Variants in PHF14 observed in about 807,000 individuals in gnomAD.
PHF14 encodes the protein PHD finger protein 14.
A neutral mutation model predicts 117.9 loss-of-function variants in PHF14; 55 were observed. The observed-to-expected ratio is 0.47, with a 90% CI of 0.38 to 0.58. The LOEUF (loss-of-function observed/expected upper bound fraction) is 0.58. Ranked by LOEUF, PHF14 falls within the 20% of genes least tolerant of loss-of-function variation. The pLI is 0.00. For synonymous variants in PHF14, 409 were observed against 368.6 expected (o/e 1.11, Z -1.26); for missense variants, 978 against 1,122.2 (o/e 0.87, Z 1.84).
In PHF14 at chr7:11,022,871, G is replaced by C; in HGVS notation, c.1209G>C (p.Trp403Cys). Residue 403 changes from tryptophan to cysteine, a missense_variant, in exon 6 of 18, where the codon TGG becomes TGC. Trp to Cys is a radical substitution (Grantham distance 215). Transcript: ENST00000634607. ...AAATCATATCTTCTCTTCTTAGATG[G>C]GTTCATATTGTTTGTGCCCTGTATG... ...GIFKETDAGRWVHIVCALYVP... is the reference protein window; with the variant it reads ...GIFKETDAGRCVHIVCALYVP... 1 of 1,567,006 alleles carries C rather than the reference G, an allele frequency of 6.4e-7. No homozygotes were observed. The highest frequency in any genetic ancestry group is 8.7e-7 in the Non-Finnish European group (1 of 1,144,582).
chr7:11,129,778 A>G (rs576229473), intron 17 of PHF14, among the ~76,000 whole-genome samples: 5 of 152,064 alleles, frequency 3.3e-5, no homozygotes, highest in Admixed American at 1.3e-4. Flanking sequence ...CTTAGATGCT[A>G]GTAGGATAGA....
At chr7:11,118,664 C>G (rs1257295930) in intron 17 of PHF14, among the ~76,000 whole-genome samples, 2 of 151,530 alleles carry the variant, frequency 1.3e-5, no homozygotes, top group African/African-American at 4.8e-5. Flanking sequence ...AAACCTATTT[C>G]TAGACAATGT....
At chr7:11,055,032 T>C (rs983914327) in intron 14 of PHF14, among the ~76,000 whole-genome samples, 3 of 152,084 alleles carry the variant, frequency 2.0e-5, no homozygotes, top group Non-Finnish European at 4.4e-5. Context: ...CTGCCCTGTT[T>C]ACCACAGAAG....
At chr7:11,141,380 A>G (rs1264316724) in intron 17 of PHF14, among the ~76,000 whole-genome samples, 1 of 152,034 alleles carries the variant, frequency 6.6e-6, no homozygotes, top group Non-Finnish European at 1.5e-5. Context: ...TTCTGTCTCC[A>G]AGTCTAATGG....
At chr7:11,081,330 A>G (rs1223794398) in intron 16 of PHF14, among the ~76,000 whole-genome samples, 1 of 152,194 alleles carries the variant, frequency 6.6e-6, no homozygotes, top group African/African-American at 2.4e-5. Context: ...CTCTTTCCAG[A>G]GGAATATTCT....
chr7:11,014,593 T>G (rs886863745), intron 5 of PHF14, among the ~76,000 whole-genome samples: 1 of 152,088 alleles, frequency 6.6e-6, no homozygotes, highest in Non-Finnish European at 1.5e-5. Context: ...TGTATATAGC[T>G]GGGGCAGAGC....
At chr7:10,991,150 C>G (rs537370708) in intron 4 of PHF14, among the ~76,000 whole-genome samples, 1 of 151,812 alleles carries the variant, frequency 6.6e-6, no homozygotes, top group Non-Finnish European at 1.5e-5. Flanking sequence ...ACCACCACAC[C>G]TAATTTTTGT....
chr7:11,152,254 C>T (rs771993523), intron 17 of PHF14, among the ~76,000 whole-genome samples: 17 of 152,002 alleles, frequency 1.1e-4, no homozygotes, highest in East Asian at 5.8e-4. Context: ...ACTGTACATA[C>T]GGTATATTGA....
At chr7:11,099,819 A>C (rs1311285606) in intron 16 of PHF14, among the ~76,000 whole-genome samples, 1 of 152,124 alleles carries the variant, frequency 6.6e-6, no homozygotes, top group African/African-American at 2.4e-5. Context: ...GTTTCAAAAA[A>C]GATCCTAAAG....
intron 7 of PHF14, among the ~76,000 whole-genome samples, chr7:11,030,577 CATAAT>C (rs1426739550): frequency 3.3e-5 from 5 of 152,100 alleles, no homozygotes; most frequent in Non-Finnish European, 7.4e-5. Context: ...TGAAACTAAA[CATAAT>C]ATTAAGCTAC....
chr7:11,133,272 A>G (rs1397225715), intron 17 of PHF14, among the ~76,000 whole-genome samples: 1 of 151,874 alleles, frequency 6.6e-6, no homozygotes, highest in Non-Finnish European at 1.5e-5. Flanking sequence ...GAACAAAGTC[A>G]GAGGACTGAC....
chr7:10,993,043 A>T (rs1035528093), intron 4 of PHF14, among the ~76,000 whole-genome samples: 1 of 152,164 alleles, frequency 6.6e-6, no homozygotes, highest in African/African-American at 2.4e-5. Context: ...GCATCGTATT[A>T]GGAAGCATAT....
At chr7:11,126,586 CTT>C (rs1393781443) in intron 17 of PHF14, among the ~76,000 whole-genome samples, 1 of 151,938 alleles carries the variant, frequency 6.6e-6, no homozygotes, top group Non-Finnish European at 1.5e-5. Flanking sequence ...AAATCCCTAA[CTT>C]TTGTCTTCCT....
At chr7:11,111,054 A>G in intron 16 of PHF14, 1 of 205,080 alleles carries the variant, frequency 4.9e-6, no homozygotes, top group Non-Finnish European at 9.7e-6. Context: ...TGTTTTGAAC[A>G]CATGATTATA....
rs544717889 is a variant in PHF14 at position 11,107,214 on chromosome 7, A to T, written c.2655-4136A>T. The stretch of plus-strand genomic sequence containing the variant: ...TTTTACTTGTTTGCATATTCTCAAT[A>T]GTCAGGTAAACACCTGACTAATTGC... On this transcript the variant is annotated intron_variant, in intron 16 of 17. Transcript: ENST00000634607. The T allele has an allele frequency of 1.5e-5, 15 of 984,198 alleles. No homozygotes were observed. In the African/African-American group the frequency reaches 2.6e-4, roughly 17 times the overall value. 61.0% of individuals were successfully genotyped at this position (984,198 alleles called of 1,614,324 possible). A position where few individuals can be genotyped will look rare whatever the true frequency, so the allele number is the denominator to read the frequency against.
chr7:11,110,570 A>C, intron 16 of PHF14: 1 of 961,492 alleles, frequency 1.0e-6, no homozygotes, highest in Non-Finnish European at 1.2e-6. Flanking sequence ...GTTTTCTTAG[A>C]TTTTGCACAT....
intron 3 of PHF14, among the ~76,000 whole-genome samples, chr7:10,984,559 CTATATA>C (rs1387463508): frequency 1.3e-5 from 2 of 152,108 alleles, no homozygotes; most frequent in African/African-American, 4.8e-5. Context: ...AGTTAATACT[CTATATA>C]TAATGAATAA....
intron 17 of PHF14, among the ~76,000 whole-genome samples, chr7:11,113,951 A>G (rs1292068000): frequency 6.6e-6 from 1 of 152,160 alleles, no homozygotes; most frequent in Non-Finnish European, 1.5e-5. Flanking sequence ...ATGAAAGTTC[A>G]TATGCTTTGC....
chr7:11,066,649 A>G (rs1281286303), intron 16 of PHF14, among the ~76,000 whole-genome samples: 3 of 152,216 alleles, frequency 2.0e-5, no homozygotes, highest in Non-Finnish European at 4.4e-5. Context: ...CCCCATGTGG[A>G]TTCCCAGTAT....
Sources: gnomAD v4.1 joint callset for allele counts (sites outside exome capture counted in the v4.1 genomes callset) on GRCh38, gnomAD v4.1.1 for gene constraint, MANE v1.5 for transcripts, NCBI Gene and HGNC (gene_info 2026-07-23, HGNC 2026-07-21) for gene names.